The following NRXN3 variants were observed in gnomAD, a reference collection of about 807,000 sequenced individuals.
NRXN3 encodes neurexin III.
In NRXN3, 32 loss-of-function variants were observed where a neutral mutation model predicts 137.6. That is an observed-to-expected ratio of 0.23 (90% CI 0.18 to 0.31). NRXN3 has a LOEUF of 0.31. NRXN3 is among the 10% of genes least tolerant of loss of function. The probability of loss-of-function intolerance (pLI) is 1.00; values close to 1 mark genes in which losing one functional copy is unlikely to be tolerated. For synonymous variants in NRXN3, 798 were observed against 784.5 expected (o/e 1.02, Z -0.29); for missense variants, 1,574 against 2,062.5 (o/e 0.76, Z 4.59).
At chr14:79,350,348 G>C (rs991148582) in intron 15 of NRXN3, among the ~76,000 whole-genome samples, 2 of 152,154 alleles carry the variant, frequency 1.3e-5, no homozygotes, top group African/African-American at 4.8e-5. Flanking sequence ...TAAGCCAAGG[G>C]TGAGGAACTA....
At chr14:78,537,678 C>A (rs1357163460) in intron 4 of NRXN3, among the ~76,000 whole-genome samples, 2 of 152,148 alleles carry the variant, frequency 1.3e-5, no homozygotes, top group Admixed American at 6.5e-5. Flanking sequence ...TCATGAAGTC[C>A]TTGCCCATGC....
At chr14:78,625,803 G>A (rs906059387) in intron 4 of NRXN3, among the ~76,000 whole-genome samples, 8 of 152,210 alleles carry the variant, frequency 5.3e-5, no homozygotes, top group African/African-American at 1.7e-4. Context: ...GTCCATGTGT[G>A]TGTGAGGCTC....
At chr14:79,575,920 G>A (rs1459491038) in intron 16 of NRXN3, among the ~76,000 whole-genome samples, 1 of 152,150 alleles carries the variant, frequency 6.6e-6, no homozygotes, top group East Asian at 1.9e-4. Context: ...AAATTGATCA[G>A]TTGGCCAAGT....
chr14:79,605,145 C>T (rs1162584018), intron 16 of NRXN3, among the ~76,000 whole-genome samples: 1 of 152,152 alleles, frequency 6.6e-6, no homozygotes, highest in Non-Finnish European at 1.5e-5. Flanking sequence ...CAGCATTTTT[C>T]TGAAGTGTCA....
At chr14:78,660,253 T>TTATATA (rs373491178) in intron 6 of NRXN3, among the ~76,000 whole-genome samples, 4,768 of 139,654 alleles carry the variant, frequency 0.034, 116 homozygotes, top group Admixed American at 0.049. Context: ...AGAAGTAGAT[T>TTATATA]TATATATATA....
At chr14:79,346,431 G>A (rs1002660031) in intron 15 of NRXN3, among the ~76,000 whole-genome samples, 1 of 151,982 alleles carries the variant, frequency 6.6e-6, no homozygotes, top group Non-Finnish European at 1.5e-5. Flanking sequence ...CAAAAAATAA[G>A]ATAAGGCAAG....
chr14:79,402,107 T>C (rs2095216073), intron 15 of NRXN3, among the ~76,000 whole-genome samples: 1 of 151,992 alleles, frequency 6.6e-6, no homozygotes, highest in African/African-American at 2.4e-5. Flanking sequence ...TTTATTTTTT[T>C]TTATTTTTGT....
intron 4 of NRXN3, among the ~76,000 whole-genome samples, chr14:78,566,783 A>C (rs2096840442): frequency 6.6e-6 from 1 of 152,174 alleles, no homozygotes; most frequent in East Asian, 1.9e-4. Context: ...CGGTGTGGAA[A>C]GTGCTAAGCT....
At chr14:79,300,823 G>T (rs1487977653) in intron 15 of NRXN3, among the ~76,000 whole-genome samples, 2 of 152,000 alleles carry the variant, frequency 1.3e-5, no homozygotes, top group African/African-American at 4.8e-5. Flanking sequence ...GGATGGGAGG[G>T]TTTCTTGCTG....
At chr14:78,815,905 G>A (rs1465319328) in intron 10 of NRXN3, among the ~76,000 whole-genome samples, 1 of 152,086 alleles carries the variant, frequency 6.6e-6, no homozygotes, top group Non-Finnish European at 1.5e-5. Flanking sequence ...ACCTGGTGAT[G>A]CCACTTATTA....
At chr14:78,993,004 C>T (rs31403) in intron 15 of NRXN3, among the ~76,000 whole-genome samples, 86 of 152,206 alleles carry the variant, frequency 5.7e-4, no homozygotes, top group African/African-American at 2.0e-3. Context: ...CTGCAGGATG[C>T]CTGTTGGAGA....
chr14:78,701,758 AT>A (rs2098281580), intron 6 of NRXN3, among the ~76,000 whole-genome samples: 1 of 152,184 alleles, frequency 6.6e-6, no homozygotes, highest in African/African-American at 2.4e-5. Context: ...TTTCAACTTT[AT>A]CTGGAGTCTT....
At chr14:78,868,181 T>C (rs1471863674) in intron 10 of NRXN3, among the ~76,000 whole-genome samples, 2 of 151,950 alleles carry the variant, frequency 1.3e-5, no homozygotes, top group Non-Finnish European at 2.9e-5. Flanking sequence ...CTTTCTCCCC[T>C]GTATAGGCAA....
chr14:79,520,424 A>G (rs1338216354), intron 16 of NRXN3, among the ~76,000 whole-genome samples: 1 of 151,998 alleles, frequency 6.6e-6, no homozygotes, highest in Non-Finnish European at 1.5e-5. Flanking sequence ...TAGGTATTTC[A>G]CCTAATGCTG....
At chr14:79,214,113 T>C (rs2068115771) in intron 15 of NRXN3, among the ~76,000 whole-genome samples, 1 of 152,240 alleles carries the variant, frequency 6.6e-6, no homozygotes, top group Non-Finnish European at 1.5e-5. Context: ...AGGCTCTCAG[T>C]TAAATTTTCT....
intron 15 of NRXN3, among the ~76,000 whole-genome samples, chr14:79,366,726 T>C (rs989844737): frequency 6.6e-5 from 10 of 152,172 alleles, no homozygotes; most frequent in Non-Finnish European, 1.0e-4. Flanking sequence ...ACTATAGTGT[T>C]TTTATGTCAT....
chr14:78,359,488 C>T (rs1166825882), intron 4 of NRXN3, among the ~76,000 whole-genome samples: 1 of 152,166 alleles, frequency 6.6e-6, no homozygotes, highest in African/African-American at 2.4e-5. Flanking sequence ...CAAAGGATTA[C>T]ATATTTTCCC....
At chr14:78,567,874 C>T (rs10138731) in intron 4 of NRXN3, among the ~76,000 whole-genome samples, 8,282 of 152,138 alleles carry the variant, frequency 0.054, 360 homozygotes, top group African/African-American at 0.13. Context: ...AATTCATCTT[C>T]GTTGCCTGCA....
At chr14:78,653,056 G>A (rs1266799129) in intron 6 of NRXN3, among the ~76,000 whole-genome samples, 1 of 152,132 alleles carries the variant, frequency 6.6e-6, no homozygotes. Flanking sequence ...AGAGGAAGGG[G>A]TAGAAAAGAG....
Sources: allele counts gnomAD v4.1 joint callset (sites outside exome capture counted in the v4.1 genomes callset), GRCh38; gene constraint gnomAD v4.1.1; transcripts MANE v1.5; gene names NCBI Gene and HGNC (gene_info 2026-07-23, HGNC 2026-07-21).